Variants in CFAP54 observed in about 807,000 individuals in gnomAD.
CFAP54 encodes the protein cilia and flagella associated protein 54, also known as cilia- and flagella-associated protein 54.
CFAP54 carries 290 observed loss-of-function variants against 370.4 expected under a neutral mutation model. The ratio of observed to expected loss-of-function variants is 0.78; its 90% CI spans 0.71 to 0.86. The LOEUF is 0.86. Ranked by LOEUF, CFAP54 falls within the 40% of genes least tolerant of loss-of-function variation. The pLI is 0.00. For missense variants in CFAP54, 3,399 were observed against 3,528.7 expected (o/e 0.96, Z 0.93); for synonymous variants, 1,206 against 1,236.5 (o/e 0.98, Z 0.52).
intron 39 of CFAP54, among the ~76,000 whole-genome samples, chr12:96,678,776 G>A (rs1957239062): frequency 6.6e-6 from 1 of 152,108 alleles, no homozygotes; most frequent in Admixed American, 6.6e-5. Flanking sequence ...CAGTGTTGGA[G>A]TGTCCCATCC....
rs1565901525 is a variant in CFAP54, at chr12:96,576,601, T to G, written c.2636T>G (p.Ile879Ser). ...WELLMEAYSL[I>S]QRIEAEQNAL... ...TCATTATAGGAAGCATATTCCTTAA[T>G]TCAGAGGATTGAAGCTGAACAAAAT... Residue 879 changes from isoleucine to serine, a missense_variant, in exon 20 of 68, where the codon ATT becomes AGT. Physicochemically the swap from Ile to Ser is moderately radical, Grantham distance 142. Coordinates refer to ENST00000524981, the MANE Select transcript of CFAP54 (RefSeq NM_001306084.2). 1 of 1,531,354 alleles carries G rather than the reference T, an allele frequency of 6.5e-7. No individual in the cohort carries two copies. Among genetic ancestry groups the G allele is most frequent in the Non-Finnish European group, 8.7e-7 (1 of 1,143,584 alleles). 94.9% of individuals were successfully genotyped at this position (1,531,354 alleles called of 1,614,324 possible).
intron 50 of CFAP54, among the ~76,000 whole-genome samples, chr12:96,737,046 T>C (rs1185679912): frequency 6.6e-6 from 1 of 152,222 alleles, no homozygotes; most frequent in East Asian, 1.9e-4. Context: ...ATAGTACACG[T>C]TGAGTATCCC....
chr12:96,491,721 T>C (rs970202356), intron 1 of CFAP54, among the ~76,000 whole-genome samples: 1 of 152,116 alleles, frequency 6.6e-6, no homozygotes, highest in Admixed American at 6.6e-5. Flanking sequence ...GAACCAAGAA[T>C]TGACCAAGGA....
chr12:96,687,592 G>A (rs1957342750), intron 42 of CFAP54, among the ~76,000 whole-genome samples: 1 of 152,118 alleles, frequency 6.6e-6, no homozygotes, highest in African/African-American at 2.4e-5. Context: ...CTGTTCCTAG[G>A]TAGTGATCAC....
chr12:96,757,411 A>G (rs994541709), intron 57 of CFAP54, 84 bp from the exon 58 acceptor site: 2 of 699,590 alleles, frequency 2.9e-6, no homozygotes, highest in Non-Finnish European at 4.5e-6. Flanking sequence ...TTTACCTTTC[A>G]TCAGCTCAGA....
chr12:96,546,715 G>C (rs1955644624), intron 14 of CFAP54, among the ~76,000 whole-genome samples: 1 of 152,086 alleles, frequency 6.6e-6, no homozygotes, highest in Non-Finnish European at 1.5e-5. Flanking sequence ...TGTAGTCCCA[G>C]CTGCTCGGGA....
chr12:96,694,200 A>G (rs1957416681), intron 45 of CFAP54, among the ~76,000 whole-genome samples: 1 of 152,226 alleles, frequency 6.6e-6, no homozygotes, highest in Non-Finnish European at 1.5e-5. Flanking sequence ...TGCACAGGTA[A>G]TTGAATTAAC....
At chr12:96,588,007 A>T (rs956648455) in intron 22 of CFAP54, among the ~76,000 whole-genome samples, 6 of 152,204 alleles carry the variant, frequency 3.9e-5, no homozygotes, top group Non-Finnish European at 7.4e-5. Context: ...TAGAACTTTG[A>T]TGAAGAATAA....
chr12:96,499,143 A>C (rs1954993454), intron 1 of CFAP54, among the ~76,000 whole-genome samples: 1 of 152,036 alleles, frequency 6.6e-6, no homozygotes, highest in Admixed American at 6.6e-5. Context: ...TAATTTTTGT[A>C]TTTTTAGTAG....
intron 47 of CFAP54, among the ~76,000 whole-genome samples, chr12:96,707,037 A>G (rs1271070423): frequency 1.3e-5 from 2 of 152,124 alleles, no homozygotes; most frequent in African/African-American, 2.4e-5. Context: ...AGTGAGGAGA[A>G]GGAAGAGCAC....
chr12:96,554,156 C>T lies in CFAP54; in HGVS notation c.2155-26C>T. The T allele has an allele frequency of 7.1e-6, 10 of 1,413,166 alleles. No individual in the cohort carries two copies. In the Admixed American group the frequency reaches 8.2e-5, roughly 12 times the overall value. The allele number at this position is 1,413,166 out of a possible 1,614,324, so 87.5% of individuals were successfully genotyped here. On this transcript the variant is annotated intron_variant, in intron 15 of 67. Transcript: ENST00000524981. ...TTTGATTTTCCCTTGTTTTATTTTT[C>T]TTTTTTGTTTATAAAATTATTTTAG...
rs564297810 is a variant in CFAP54, at chr12:96,628,137, A to G, written c.4103+1198A>G. Reference sequence around the variant, plus strand: ...AGCTAGGTTTGCATAAGTACACTCTATGATGTTCACACAATGACAAAATTC... The same window carrying G: ...AGCTAGGTTTGCATAAGTACACTCTGTGATGTTCACACAATGACAAAATTC... On this transcript the variant is annotated intron_variant, in intron 30 of 67. Coordinates refer to ENST00000524981, the MANE Select transcript of CFAP54 (RefSeq NM_001306084.2). Among the ~76,000 whole-genome samples, 6 of 152,326 alleles carry G rather than the reference A, an allele frequency of 3.9e-5. 1 individual carries two copies. The highest frequency in any genetic ancestry group is 1.4e-4 in the African/African-American group (6 of 41,586).
Position 96,739,942 on chromosome 12 carries a change from AT to A in CFAP54, c.6966-10del. ...ATAATACTGATAACATTTAAAATATATTTTCTATTTTAGTGCTGCAATAGTA... is the reference window on the plus strand; with the variant it reads ...ATAATACTGATAACATTTAAAATATATTTCTATTTTAGTGCTGCAATAGTA... On this transcript the variant is annotated splice_polypyrimidine_tract_variant and intron_variant, in intron 50 of 67. Transcript: ENST00000524981. 7.3e-7 allele frequency: 1 copy of A among 1,368,218 alleles called. No individual in the cohort carries two copies. The highest frequency in any genetic ancestry group is 1.5e-5 in the African/African-American group (1 of 68,718). 84.8% of individuals were successfully genotyped at this position (1,368,218 alleles called of 1,614,324 possible). A position where few individuals can be genotyped will look rare whatever the true frequency, so the allele number is the denominator to read the frequency against.
intron 19 of CFAP54, among the ~76,000 whole-genome samples, chr12:96,574,874 G>T (rs1471487613): frequency 1.3e-5 from 2 of 151,984 alleles, no homozygotes; most frequent in Non-Finnish European, 2.9e-5. Context: ...AGTTAAAATA[G>T]TTTTATAACA....
chr12:96,550,818 A>T (rs1592846507), intron 15 of CFAP54, among the ~76,000 whole-genome samples: 2 of 152,334 alleles, frequency 1.3e-5, no homozygotes. Context: ...CAGTAGGTTG[A>T]TGGGCATAGT....
intron 64 of CFAP54, among the ~76,000 whole-genome samples, chr12:96,817,285 T>C (rs1592781891): frequency 6.7e-6 from 1 of 149,450 alleles, no homozygotes; most frequent in African/African-American, 2.4e-5. Flanking sequence ...TAATGAAAGT[T>C]AAGACTGTGT....
intron 12 of CFAP54, among the ~76,000 whole-genome samples, chr12:96,536,738 T>TG (rs915335735): frequency 1.4e-4 from 22 of 151,908 alleles, no homozygotes; most frequent in African/African-American, 4.8e-4. Flanking sequence ...GTGATTCTCT[T>TG]GCCTCAGCCT....
intron 36 of CFAP54, among the ~76,000 whole-genome samples, chr12:96,655,073 A>C: frequency 6.6e-6 from 1 of 152,096 alleles, no homozygotes; most frequent in East Asian, 1.9e-4. Context: ...AGGATTCACT[A>C]TATATGTGAT....
At position 96,786,681 on chromosome 12, in the gene CFAP54, C is replaced by A. The variant is rs1958632570; in HGVS notation, c.8462C>A (p.Ala2821Glu). The A allele has an allele frequency of 6.5e-7, 1 of 1,528,906 alleles. No homozygotes were observed. The highest frequency in any genetic ancestry group is 8.8e-7 in the Non-Finnish European group (1 of 1,142,376). The allele number at this position is 1,528,906 out of a possible 1,614,324, so 94.7% of individuals were successfully genotyped here. Residue 2821 changes from alanine to glutamate, a missense_variant, in exon 62 of 68, where the codon GCA (alanine) becomes GAA (glutamate). By Grantham distance (107) the Ala-to-Glu change is moderately radical. Transcript: ENST00000524981. ...INNLSKLLASATPVSGISLPD... is the reference protein window; with the variant it reads ...INNLSKLLASETPVSGISLPD... ...GGTATTTTTCTTTCTTAAGCATCTGCAACACCAGTATCTGGAATTTCTTTG... is the reference window on the plus strand; with the variant it reads ...GGTATTTTTCTTTCTTAAGCATCTGAAACACCAGTATCTGGAATTTCTTTG...
Sources: allele counts gnomAD v4.1 joint callset (sites outside exome capture counted in the v4.1 genomes callset), GRCh38; gene constraint gnomAD v4.1.1; transcripts MANE v1.5; gene names NCBI Gene and HGNC (gene_info 2026-07-23, HGNC 2026-07-21).